Variants in HARBI1 observed in about 807,000 individuals in gnomAD.
HARBI1 encodes putative nuclease HARBI1.
HARBI1 carries 15 observed loss-of-function variants against 25.3 expected under a neutral mutation model. The observed-to-expected ratio is 0.59, with a 90% CI of 0.40 to 0.91. The LOEUF is 0.91. HARBI1 is among the 40% of genes least tolerant of loss of function. The pLI is 0.00. For missense variants in HARBI1, 396 were observed against 445.8 expected (o/e 0.89, Z 1.01); for synonymous variants, 168 against 160.5 (o/e 1.05, Z -0.35).
intron 2 of HARBI1, among the ~76,000 whole-genome samples, chr11:46,605,733 A>G (rs2044918533): frequency 1.3e-5 from 2 of 151,242 alleles, no homozygotes; most frequent in Admixed American, 1.3e-4. Context: ...GACTACAGGC[A>G]CACGCCACCA....
rs762065869 is a variant in HARBI1, at chr11:46,603,616, G to A, written c.964C>T (p.Pro322Ser). Residue 322 changes from proline (P) to serine (S), a missense_variant, in exon 3 of 3, where the codon CCG becomes TCG. Transcript: ENST00000326737. ...SPMTGPMEQP[P>S]EEEYEHMESL... Reference sequence around the variant, plus strand: ...TCCATGTGCTCATACTCCTCTTCCGGGGGCTGTTCCATGGGTCCTGTCATT... The same window carrying A: ...TCCATGTGCTCATACTCCTCTTCCGAGGGCTGTTCCATGGGTCCTGTCATT... The A allele has an allele frequency of 6.2e-7, 1 of 1,614,146 alleles. No homozygotes were observed. The highest frequency in any genetic ancestry group is 8.5e-7 in the Non-Finnish European group (1 of 1,180,032).
At chr11:46,616,848 A>AC (rs1565363985) in intron 1 of HARBI1, 2 of 977,650 alleles carry the variant, frequency 2.0e-6, no homozygotes, top group Non-Finnish European at 2.4e-6. Context: ...AAAAAAAAAA[A>AC]AAAAAAAAAA....
At chr11:46,610,661 A>T (rs1157184493) in intron 2 of HARBI1, among the ~76,000 whole-genome samples, 1 of 152,144 alleles carries the variant, frequency 6.6e-6, no homozygotes, top group Admixed American at 6.6e-5. Flanking sequence ...TCCGTCTCAA[A>T]AAATAAATAA....
At chr11:46,608,537 T>C (rs1182308742) in intron 2 of HARBI1, among the ~76,000 whole-genome samples, 1 of 151,964 alleles carries the variant, frequency 6.6e-6, no homozygotes, top group African/African-American at 2.4e-5. Context: ...CTTGAACTCC[T>C]AGGCTCAAGT....
intron 2 of HARBI1, among the ~76,000 whole-genome samples, chr11:46,607,256 T>C (rs918547055): frequency 7.0e-5 from 9 of 127,808 alleles, no homozygotes; most frequent in African/African-American, 2.9e-4. Context: ...GGTGAGACTG[T>C]CTCAAAAAAA....
At chr11:46,609,111 A>G (rs1380261452) in intron 2 of HARBI1, among the ~76,000 whole-genome samples, 1 of 151,610 alleles carries the variant, frequency 6.6e-6, no homozygotes, top group African/African-American at 2.4e-5. Context: ...TTTAGAAGAG[A>G]TGGGATTTCA....
rs1036294747 is a variant in HARBI1, at chr11:46,603,274, A to G, written c.*256T>C. On this transcript the variant is annotated 3_prime_UTR_variant, in exon 3 of 3. Transcript: ENST00000326737. ...AATGTTTGCAACCACTGAGCTTTCAAATTAGTGGTACTCAACCTAGAGTTC... is the reference window on the plus strand; with the variant it reads ...AATGTTTGCAACCACTGAGCTTTCAGATTAGTGGTACTCAACCTAGAGTTC... 2.4e-5 allele frequency: 8 copies of G among 334,516 alleles called. No homozygotes were observed. Among genetic ancestry groups the G allele is most frequent in the Non-Finnish European group, 4.4e-5 (8 of 183,782 alleles). The allele number at this position is 334,516 out of a possible 1,614,324, so 20.7% of individuals were successfully genotyped here.
At position 46,603,493 on chromosome 11, in the gene HARBI1, A is replaced by C; in HGVS notation, c.*37T>G. 6.5e-7 allele frequency: 1 copy of C among 1,531,170 alleles called. No homozygotes were observed. The allele number at this position is 1,531,170 out of a possible 1,614,324, so 94.8% of individuals were successfully genotyped here. On this transcript the variant is annotated 3_prime_UTR_variant, in exon 3 of 3. Transcript: ENST00000326737. ...GGTGATGAGGAGGAAAGTCTGTCAC[A>C]ACTCCTGGGAAGTATCCCTCCTCTC...
intron 1 of HARBI1, 111 bp from the exon 2 acceptor site, chr11:46,616,492 ACTGTACTTACAACT>A: frequency 7.7e-7 from 1 of 1,306,896 alleles, no homozygotes; most frequent in Non-Finnish European, 9.7e-7. Flanking sequence ...GGCAAAACGT[ACTGTACTTACAACT>A]CCGGATTTTT....
In HARBI1 at chr11:46,615,655, C is replaced by A; in HGVS notation, c.583G>T (p.Gly195Cys). The change falls in exon 2 of 3, where the codon GGC (glycine) becomes TGC (cysteine). Residue 195 changes from glycine (G) to cysteine (C), a missense_variant. Transcript: ENST00000326737. ...TLMTVETNWP[G>C]SLQDCAVLQQ... ...AGCACAGCACAGTCCTGTAGGCTGC[C>A]GGGCCAGTTTGTCTCCACGGTCATT... 6.2e-7 allele frequency: 1 copy of A among 1,614,178 alleles called. No homozygotes were observed. The highest frequency in any genetic ancestry group is 8.5e-7 in the Non-Finnish European group (1 of 1,180,034).
chr11:46,611,809 T>C (rs1242546522), intron 2 of HARBI1, among the ~76,000 whole-genome samples: 1 of 151,810 alleles, frequency 6.6e-6, no homozygotes, highest in Non-Finnish European at 1.5e-5. Context: ...AATGGCCAGA[T>C]GAAACAATTG....
At chr11:46,609,024 AGCGATTCTCCT>A in intron 2 of HARBI1, among the ~76,000 whole-genome samples, 1 of 151,626 alleles carries the variant, frequency 6.6e-6, no homozygotes, top group Non-Finnish European at 1.5e-5. Flanking sequence ...CCCAGGTTCA[AGCGATTCTCCT>A]GCCTCAGCCT....
intron 2 of HARBI1, among the ~76,000 whole-genome samples, chr11:46,607,876 G>C (rs1392046795): frequency 6.8e-6 from 1 of 146,832 alleles, no homozygotes; most frequent in Non-Finnish European, 1.5e-5. Context: ...ATGAGAATGA[G>C]GACAGGAATG....
upstream of HARBI1, chr11:46,617,301 G>A (rs1424173067): frequency 6.6e-6 from 1 of 152,388 alleles, no homozygotes; most frequent in Non-Finnish European, 1.5e-5. Flanking sequence ...GCTACCTGCG[G>A]TTCATCTCCG....
intron 2 of HARBI1, among the ~76,000 whole-genome samples, chr11:46,614,843 T>C (rs887045046): frequency 2.0e-5 from 3 of 152,224 alleles, no homozygotes; most frequent in African/African-American, 7.2e-5. Context: ...TGAGGTCTCA[T>C]AAAAAACTGA....
At position 46,603,699 on chromosome 11, in the gene HARBI1, G is replaced by A. The variant is rs779875591; in HGVS notation, c.881C>T (p.Ala294Val). ...SPEKSSHIIL[A>V]CCVLHNISLE... ...GGAGATGTTGTGGAGGACACAACAG[G>A]CCAAGATGATATGGCTGGATTTCTC... Residue 294 changes from alanine (A) to valine (V), a missense_variant, in exon 3 of 3, where the codon GCC becomes GTC. Ala to Val is a moderately conservative substitution (Grantham distance 64, BLOSUM62 0). Transcript: ENST00000326737. The A allele has an allele frequency of 6.2e-7, 1 of 1,614,128 alleles. No homozygotes were observed. The highest frequency in any genetic ancestry group is 8.5e-7 in the Non-Finnish European group (1 of 1,180,018).
At chr11:46,616,713 T>C in intron 1 of HARBI1, 1 of 990,720 alleles carries the variant, frequency 1.0e-6, no homozygotes, top group Non-Finnish European at 1.2e-6. Context: ...ACATATGTCA[T>C]AACCACCTTG....
chr11:46,615,464 G>T, intron 2 of HARBI1, 104 bp downstream of exon 2: 1 of 873,362 alleles, frequency 1.1e-6, no homozygotes, highest in Non-Finnish European at 1.8e-6. Flanking sequence ...GTGATCTACC[G>T]CCTCAGCCTC....
At chr11:46,604,378 C>A in intron 2 of HARBI1, 2 of 852,512 alleles carry the variant, frequency 2.3e-6, no homozygotes, top group Non-Finnish European at 2.8e-6. Flanking sequence ...GCACTCCAAC[C>A]TGGGCGACAA....
Sources: allele counts gnomAD v4.1 joint callset (sites outside exome capture counted in the v4.1 genomes callset), GRCh38; gene constraint gnomAD v4.1.1; transcripts MANE v1.5; gene names NCBI Gene and HGNC (gene_info 2026-07-23, HGNC 2026-07-21).